The following NGEF variants were observed in gnomAD, a reference collection of about 807,000 sequenced individuals.
NGEF encodes the protein ephexin-1.
Under a neutral mutation model 80.9 loss-of-function variants are expected in NGEF, and 31 were observed. The ratio of observed to expected loss-of-function variants is 0.38; its 90% CI spans 0.29 to 0.52. NGEF has a LOEUF of 0.52. Ranked by LOEUF, NGEF falls within the 20% of genes least tolerant of loss-of-function variation. The pLI, the probability that NGEF is intolerant of heterozygous loss-of-function variation, is 0.84. For synonymous variants in NGEF, 371 were observed against 370.2 expected (o/e 1.00, Z -0.03); for missense variants, 709 against 926.2 (o/e 0.77, Z 3.04).
intron 5 of NGEF, among the ~76,000 whole-genome samples, chr2:232,915,502 C>T (rs1277487702): frequency 6.6e-6 from 1 of 152,158 alleles, no homozygotes; most frequent in Non-Finnish European, 1.5e-5. Flanking sequence ...TCGTGTTCAG[C>T]AGCCACGTGT....
At chr2:232,921,913 T>C (rs889738133) in intron 4 of NGEF, among the ~76,000 whole-genome samples, 4 of 152,232 alleles carry the variant, frequency 2.6e-5, no homozygotes, top group Admixed American at 1.3e-4. Context: ...AGTTACAAGA[T>C]AGAATAACAT....
At position 232,892,852 on chromosome 2, in the gene NGEF, C is replaced by T. The variant is rs1311342350; in HGVS notation, c.1142+46G>A. 2 of 1,595,108 alleles carry T rather than the reference C, an allele frequency of 1.3e-6. No individual in the cohort carries two copies. The highest frequency in any genetic ancestry group is 1.7e-4 in the Middle Eastern group (1 of 5,880). ...CTGGGCCAGCACTGGTATGGCTGCC[C>T]CGGGCACCTCCCCCTGCCCCTGAGC... On this transcript the variant is annotated intron_variant, in intron 7 of 14. Coordinates refer to ENST00000264051, the MANE Select transcript of NGEF (RefSeq NM_019850.3). This position sits in a 1 kb window ranked among gnomAD's most constrained non-coding sequence, Gnocchi z 4.0.
chr2:232,937,677 A>G (rs1487958544), intron 3 of NGEF, among the ~76,000 whole-genome samples: 1 of 152,324 alleles, frequency 6.6e-6, no homozygotes, highest in African/African-American at 2.4e-5. Context: ...GTGAGTTAAT[A>G]TAGGGAAGCC....
chr2:232,968,427 A>C (rs1694112987), intron 3 of NGEF, among the ~76,000 whole-genome samples: 2 of 137,542 alleles, frequency 1.5e-5, no homozygotes, highest in Admixed American at 7.4e-5. Flanking sequence ...ATTTTTTGAG[A>C]CGGAGTCTCG....
chr2:232,945,825 G>A (rs1033120154), intron 3 of NGEF, among the ~76,000 whole-genome samples: 2 of 150,796 alleles, frequency 1.3e-5, no homozygotes, highest in African/African-American at 4.9e-5. Flanking sequence ...TGTTCTGTGT[G>A]CATTTGTAGA....
intron 6 of NGEF, 53 bp from the exon 7 acceptor site, chr2:232,893,103 A>G: frequency 6.4e-7 from 1 of 1,572,714 alleles, no homozygotes; most frequent in Non-Finnish European, 8.6e-7. Flanking sequence ...AGGGTGGGGA[A>G]TTGTCTCACC....
Position 232,879,391 on chromosome 2 carries a change from TG to T in NGEF, c.*97del. ...GCACCCCAAGCCAGATCCTGCCACCTGGGGAGGTGCTGGCCTGTGCTTCCCA... is the reference window on the plus strand; with the variant it reads ...GCACCCCAAGCCAGATCCTGCCACCTGGGAGGTGCTGGCCTGTGCTTCCCA... On this transcript the variant is annotated 3_prime_UTR_variant, in exon 15 of 15. Coordinates refer to ENST00000264051, the MANE Select transcript of NGEF (RefSeq NM_019850.3). The T allele has an allele frequency of 2.4e-6, 3 of 1,251,466 alleles. No homozygotes were observed. Among genetic ancestry groups the T allele is most frequent in the Non-Finnish European group, 3.3e-6 (3 of 900,100 alleles). The allele number at this position is 1,251,466 out of a possible 1,614,324, so 77.5% of individuals were successfully genotyped here. A position where few individuals can be genotyped will look rare whatever the true frequency, so the allele number is the denominator to read the frequency against.
rs61594239 is a variant in NGEF, at chr2:232,972,744, C to CTTT, written c.268+1876_268+1878dup. 9.5e-4 allele frequency among the ~76,000 whole-genome samples: 117 copies of CTTT among 123,354 alleles called. 11 individuals are homozygous for CTTT. In the East Asian group the frequency reaches 0.018, roughly 19 times the overall value. 80.9% of individuals were successfully genotyped at this position (123,354 alleles called of 152,430 possible). A position where few individuals can be genotyped will look rare whatever the true frequency, so the allele number is the denominator to read the frequency against. Reference sequence around the variant, plus strand: ...CTTTCTCCCCAGCCATGTCCTTATCCTTTTTTTTTTTTTTTTTTTTTTTTT... The same window carrying CTTT: ...CTTTCTCCCCAGCCATGTCCTTATCCTTTTTTTTTTTTTTTTTTTTTTTTTTTT... On this transcript the variant is annotated intron_variant, in intron 2 of 14. Transcript: ENST00000264051.
intron 1 of NGEF, among the ~76,000 whole-genome samples, chr2:232,982,803 T>G (rs11888784): frequency 0.041 from 6,264 of 152,300 alleles, 414 homozygotes; most frequent in African/African-American, 0.14. Flanking sequence ...CTTGAGCCAC[T>G]GCGCCCGGCA....
intron 1 of NGEF, among the ~76,000 whole-genome samples, chr2:232,995,220 AGTAT>A (rs1694773711): frequency 3.0e-5 from 2 of 65,842 alleles, no homozygotes; most frequent in African/African-American, 8.3e-5. Context: ...ATATGTGTAC[AGTAT>A]GTATGCTGTG....
chr2:232,883,237 C>G (rs1691572568), intron 12 of NGEF, 74 bp downstream of exon 12: 3 of 1,488,892 alleles, frequency 2.0e-6, no homozygotes, highest in Admixed American at 4.2e-5. Context: ...CACCTGGGGA[C>G]AGGCCCATAG....
At chr2:232,939,306 T>G (rs1559216285) in intron 3 of NGEF, among the ~76,000 whole-genome samples, 1 of 152,096 alleles carries the variant, frequency 6.6e-6, no homozygotes, top group Non-Finnish European at 1.5e-5. Context: ...AGTTCCATAT[T>G]AGTGAGACCA....
intron 3 of NGEF, among the ~76,000 whole-genome samples, chr2:232,966,249 C>T (rs1355692994): frequency 6.6e-6 from 1 of 152,094 alleles, no homozygotes; most frequent in Admixed American, 6.6e-5. Context: ...AGGTCTCTGA[C>T]CACAATTCCT....
At chr2:232,938,774 A>T (rs1693382748) in intron 3 of NGEF, among the ~76,000 whole-genome samples, 1 of 150,670 alleles carries the variant, frequency 6.6e-6, no homozygotes, top group Admixed American at 6.6e-5. Flanking sequence ...TAAATACAGT[A>T]ATTTCCTGGA....
At position 232,952,996 on chromosome 2, in the gene NGEF, A is replaced by C. The variant is rs74408058; in HGVS notation, c.383+17218T>G. On this transcript the variant is annotated intron_variant, in intron 3 of 14. Coordinates refer to ENST00000264051, the MANE Select transcript of NGEF (RefSeq NM_019850.3). ...AAAAAAAAAAAAAAAAAAAAAAAAAAAACAACAAAAAAGCAAAGTGATTGG... is the reference window on the plus strand; with the variant it reads ...AAAAAAAAAAAAAAAAAAAAAAAAACAACAACAAAAAAGCAAAGTGATTGG... Among the ~76,000 whole-genome samples the C allele has an allele frequency of 7.6e-3, 991 of 130,494 alleles. 8 individuals carry two copies. Among genetic ancestry groups the C allele is most frequent in the African/African-American group, 0.015 (497 of 33,918 alleles). 85.6% of individuals were successfully genotyped at this position (130,494 alleles called of 152,430 possible).
At chr2:232,961,668 AT>A (rs5839459) in intron 3 of NGEF, among the ~76,000 whole-genome samples, 29,952 of 150,224 alleles carry the variant, frequency 0.2, 3,490 homozygotes, top group East Asian at 0.39. Context: ...AATTTTTTGT[AT>A]TTTTTTTTAG....
chr2:232,956,048 C>T (rs1445769467), intron 3 of NGEF, among the ~76,000 whole-genome samples: 1 of 152,186 alleles, frequency 6.6e-6, no homozygotes, highest in Non-Finnish European at 1.5e-5. Flanking sequence ...TTAGCATGTG[C>T]TTGTATGTGC....
At chr2:232,971,422 C>T (rs1307931453) in intron 2 of NGEF, among the ~76,000 whole-genome samples, 4 of 152,184 alleles carry the variant, frequency 2.6e-5, no homozygotes, top group Admixed American at 6.5e-5. Flanking sequence ...CGGTGGCTCA[C>T]GCCTGTAATC....
At chr2:233,002,457 C>T (rs1271826061) in intron 1 of NGEF, among the ~76,000 whole-genome samples, 1 of 152,046 alleles carries the variant, frequency 6.6e-6, no homozygotes, top group Non-Finnish European at 1.5e-5. Flanking sequence ...GCAGGAGGGT[C>T]ACTTCAGGCC....
Sources: gnomAD v4.1 joint callset for allele counts (sites outside exome capture counted in the v4.1 genomes callset) on GRCh38, gnomAD v4.1.1 for gene constraint, Gnocchi (gnomAD v3.1) non-coding constraint, MANE v1.5 for transcripts, NCBI Gene and HGNC (gene_info 2026-07-23, HGNC 2026-07-21) for gene names.